Variants in SFXN5 observed in about 807,000 individuals in gnomAD.
The protein encoded by SFXN5 is sideroflexin-5.
In SFXN5, 43 loss-of-function variants were observed where a neutral mutation model predicts 50.2. The observed-to-expected ratio is 0.86, with a 90% CI of 0.67 to 1.11. The LOEUF is 1.11. Ranked by LOEUF, SFXN5 falls within the 50% of genes least tolerant of loss-of-function variation. The probability of loss-of-function intolerance (pLI) is 0.00; values close to 1 mark genes in which losing one functional copy is unlikely to be tolerated. For synonymous variants in SFXN5, 203 were observed against 185.8 expected, an observed-to-expected ratio of 1.09 and a Z score of -0.75; for missense variants, 463 against 454.1, an observed-to-expected ratio of 1.02 and a Z score of -0.18.
At chr2:73,021,934 A>G (rs960994093) in intron 5 of SFXN5, among the ~76,000 whole-genome samples, 1 of 152,190 alleles carries the variant, frequency 6.6e-6, no homozygotes, top group Admixed American at 6.5e-5. Flanking sequence ...TTCAGTGACC[A>G]GTGGGATTTC....
intron 3 of SFXN5, among the ~76,000 whole-genome samples, chr2:73,030,318 T>C (rs1275656223): frequency 3.3e-5 from 5 of 152,124 alleles, no homozygotes; most frequent in African/African-American, 1.2e-4. Context: ...AGCAGTCTTA[T>C]TCTTCCGACC....
Position 72,999,023 on chromosome 2 carries a change from CAG to C in SFXN5, c.469-11_469-10del. On this transcript the variant is annotated splice_polypyrimidine_tract_variant and intron_variant, in intron 8 of 13. Coordinates refer to ENST00000272433, the MANE Select transcript of SFXN5 (RefSeq NM_144579.3). Reference sequence around the variant, plus strand: ...TTGGATGCAGGTGAAGGCTGGAAAACAGAGGCAGAATTTCAGGCCTGCTGGGT... The same window carrying C: ...TTGGATGCAGGTGAAGGCTGGAAAACAGGCAGAATTTCAGGCCTGCTGGGT... 6.2e-7 allele frequency: 1 copy of C among 1,614,090 alleles called. No homozygotes were observed.
chr2:73,025,999 C>T (rs892903369), intron 3 of SFXN5, among the ~76,000 whole-genome samples: 4 of 152,162 alleles, frequency 2.6e-5, no homozygotes, highest in Non-Finnish European at 4.4e-5. Flanking sequence ...AGGATGGAGA[C>T]ACCTTCTCCA....
At chr2:72,974,952 T>C (rs959926669) in intron 10 of SFXN5, among the ~76,000 whole-genome samples, 1 of 152,052 alleles carries the variant, frequency 6.6e-6, no homozygotes, top group Non-Finnish European at 1.5e-5. Flanking sequence ...TTATTGATGG[T>C]ATCAGCAGGT....
chr2:73,058,687 G>A lies in SFXN5; in HGVS notation c.103-91C>T, dbSNP rs939558156. ...GAGAGCCCCACCCTTTATGATTGGGGTCCCCCGGTCCCCAGGACTCCTCGT... is the reference window on the plus strand; with the variant it reads ...GAGAGCCCCACCCTTTATGATTGGGATCCCCCGGTCCCCAGGACTCCTCGT... On this transcript the variant is annotated intron_variant, in intron 1 of 13. Transcript: ENST00000272433. The A allele has an allele frequency of 1.6e-5, 19 of 1,201,114 alleles. No homozygotes were observed. In the African/African-American group the frequency reaches 2.7e-4, roughly 17 times the overall value. The allele number at this position is 1,201,114 out of a possible 1,614,324, so 74.4% of individuals were successfully genotyped here.
At chr2:73,016,934 AGTATG>A (rs751162096) in intron 6 of SFXN5, among the ~76,000 whole-genome samples, 3 of 152,204 alleles carry the variant, frequency 2.0e-5, no homozygotes, top group African/African-American at 4.8e-5. Flanking sequence ...AGTACATTGT[AGTATG>A]GGTTGTTTAC....
rs115279663 is a variant in SFXN5 at position 73,012,053 on chromosome 2, T to C, written c.357+8186A>G. ...AATAAATAAATGAAGCCAATTGTTA[T>C]GGAGGCAAACTGCTAAGTGTCATAA... On this transcript the variant is annotated intron_variant, in intron 6 of 13. Coordinates refer to ENST00000272433, the MANE Select transcript of SFXN5 (RefSeq NM_144579.3). Among the ~76,000 whole-genome samples the C allele has an allele frequency of 6.8e-3, 1,035 of 152,354 alleles. 4 individuals carry two copies. Among genetic ancestry groups the C allele is most frequent in the Non-Finnish European group, 1.0e-2 (680 of 68,028 alleles).
At chr2:73,033,987 G>A (rs1056533341) in intron 3 of SFXN5, among the ~76,000 whole-genome samples, 1 of 152,186 alleles carries the variant, frequency 6.6e-6, no homozygotes, top group African/African-American at 2.4e-5. Context: ...TGCCAATCGT[G>A]CCAAGTCTGA....
intron 10 of SFXN5, among the ~76,000 whole-genome samples, chr2:72,985,544 C>T (rs1484988102): frequency 8.7e-6 from 1 of 114,928 alleles, no homozygotes; most frequent in African/African-American, 3.4e-5. Context: ...GACATAGGGA[C>T]TAGAGAGATG....
chr2:73,023,481 C>A (rs1018698749), intron 3 of SFXN5, among the ~76,000 whole-genome samples: 1 of 152,174 alleles, frequency 6.6e-6, no homozygotes, highest in Non-Finnish European at 1.5e-5. Context: ...TATGTCTGCA[C>A]TTTAGAATTC....
At chr2:73,047,308 T>TACACAC (rs1680610801) in intron 2 of SFXN5, among the ~76,000 whole-genome samples, 1 of 65,558 alleles carries the variant, frequency 1.5e-5, no homozygotes, top group Non-Finnish European at 3.0e-5. Flanking sequence ...AAAATATATA[T>TACACAC]GTGTGTGTAT....
chr2:73,022,447 T>C, intron 5 of SFXN5, 75 bp downstream of exon 5: 3 of 1,157,630 alleles, frequency 2.6e-6, no homozygotes, highest in South Asian at 1.2e-5. Flanking sequence ...GGCCAGCACA[T>C]CTGGATGCTC....
In SFXN5 at chr2:72,953,949, G is replaced by A. The variant is rs1672804942; in HGVS notation, c.945+7182C>T. Among the ~76,000 whole-genome samples, 1 of 152,112 alleles carries A rather than the reference G, an allele frequency of 6.6e-6. No homozygotes were observed. The highest frequency in any genetic ancestry group is 2.1e-4 in the South Asian group (1 of 4,824). On this transcript the variant is annotated intron_variant, in intron 13 of 13. Coordinates refer to ENST00000272433, the MANE Select transcript of SFXN5 (RefSeq NM_144579.3). The surrounding 1 kb of genome is among the most constrained non-coding windows in gnomAD (Gnocchi z 4.1). ...AGTGGAGGTTCTGGTACCCACTGAG[G>A]GTACCCACATTTTTGCCCATACAGG...
At chr2:73,060,253 A>T (rs1682646105) in intron 1 of SFXN5, among the ~76,000 whole-genome samples, 1 of 152,190 alleles carries the variant, frequency 6.6e-6, no homozygotes, top group African/African-American at 2.4e-5. Context: ...CTTACCCCCA[A>T]AAAATGATGG....
intron 3 of SFXN5, among the ~76,000 whole-genome samples, chr2:73,034,990 G>A (rs1448469075): frequency 1.3e-5 from 2 of 152,170 alleles, no homozygotes; most frequent in African/African-American, 4.8e-5. Context: ...TTAGATCTAA[G>A]AGGCCCAGTG....
chr2:73,059,829 A>G, intron 1 of SFXN5: 1 of 981,068 alleles, frequency 1.0e-6, no homozygotes, highest in Non-Finnish European at 1.2e-6. Flanking sequence ...TTCACCTCTG[A>G]GAATGTAGTC....
intron 10 of SFXN5, among the ~76,000 whole-genome samples, chr2:72,975,229 AAAAGCTAATG>A (rs1473460668): frequency 2.6e-5 from 4 of 152,238 alleles, no homozygotes; most frequent in African/African-American, 9.6e-5. Context: ...GCAGATTGTG[AAAAGCTAATG>A]AAGCACCCGG....
intron 9 of SFXN5, among the ~76,000 whole-genome samples, 158 bp from the exon 10 acceptor site, chr2:72,988,506 G>A (rs567403965): frequency 6.6e-6 from 1 of 152,226 alleles, no homozygotes; most frequent in African/African-American, 2.4e-5. Flanking sequence ...ACCTGAGGTT[G>A]CAGAGCTCCA....
intron 2 of SFXN5, among the ~76,000 whole-genome samples, chr2:73,053,174 G>GA (rs879079217): frequency 1.3e-3 from 169 of 134,266 alleles, no homozygotes; most frequent in African/African-American, 2.5e-3. Flanking sequence ...ACTCTGCCTC[G>GA]AAAAAAAAAA....
Sources: gnomAD v4.1 joint callset for allele counts (sites outside exome capture counted in the v4.1 genomes callset) on GRCh38, gnomAD v4.1.1 for gene constraint, Gnocchi (gnomAD v3.1) non-coding constraint, MANE v1.5 for transcripts, NCBI Gene and HGNC (gene_info 2026-07-23, HGNC 2026-07-21) for gene names.